R3HDM2: variants seen among roughly 807,000 people sequenced by gnomAD.
R3HDM2 encodes the protein R3H domain containing 2.
Under a neutral mutation model 124.5 loss-of-function variants are expected in R3HDM2, and 38 were observed. That is an observed-to-expected ratio of 0.31 (90% CI 0.24 to 0.40). R3HDM2 has a LOEUF of 0.40. Ranked by LOEUF, R3HDM2 falls within the 10% of genes least tolerant of loss-of-function variation. The pLI is 1.00. For missense variants in R3HDM2, 869 were observed against 1,236.9 expected (o/e 0.70, Z 4.46); for synonymous variants, 391 against 448.0 (o/e 0.87, Z 1.61).
At chr12:57,275,649 A>T (rs998885783) in intron 14 of R3HDM2, among the ~76,000 whole-genome samples, 5 of 152,222 alleles carry the variant, frequency 3.3e-5, no homozygotes, top group African/African-American at 9.6e-5. Flanking sequence ...CCCATCAAAA[A>T]GTGGGCTAAG....
In R3HDM2 at chr12:57,361,617, A is replaced by C. The variant is rs1356216638; in HGVS notation, c.-36+34132T>G. ...GAGAACCACTTGAGCCCAGGAGTTC[A>C]AGGCTGCGGCGGTGTGTCATGACTG... On this transcript the variant is annotated intron_variant, in intron 2 of 23. Transcript: ENST00000402412. 3.3e-5 allele frequency among the ~76,000 whole-genome samples: 5 copies of C among 151,918 alleles called. No individual in the cohort carries two copies. The East Asian group carries it at 9.7e-4, about 29-fold the overall frequency.
intron 2 of R3HDM2, among the ~76,000 whole-genome samples, chr12:57,355,434 G>A (rs904362817): frequency 1.4e-5 from 2 of 147,762 alleles, no homozygotes; most frequent in Non-Finnish European, 3.0e-5. Flanking sequence ...ACTCCAGCCT[G>A]GGCAACAGAG....
intron 13 of R3HDM2, 119 bp from the exon 14 acceptor site, chr12:57,280,649 C>T: frequency 1.1e-6 from 1 of 887,452 alleles, no homozygotes; most frequent in South Asian, 2.0e-5. Flanking sequence ...TCCCTTTTGT[C>T]CCCTCCCCCA....
intron 10 of R3HDM2, among the ~76,000 whole-genome samples, chr12:57,294,303 A>C (rs1010185186): frequency 3.3e-5 from 5 of 152,176 alleles, no homozygotes; most frequent in African/African-American, 1.2e-4. Context: ...ACTTTGCCCC[A>C]ATGTGCCTCT....
intron 2 of R3HDM2, among the ~76,000 whole-genome samples, chr12:57,310,862 T>C (rs1419808226): frequency 6.6e-6 from 1 of 152,188 alleles, no homozygotes. Flanking sequence ...TCTAGAATTT[T>C]ATATAAATGG....
At chr12:57,276,747 C>T (rs920294444) in intron 14 of R3HDM2, among the ~76,000 whole-genome samples, 3 of 151,942 alleles carry the variant, frequency 2.0e-5, no homozygotes, top group South Asian at 2.1e-4. Flanking sequence ...ATTAGCTGGG[C>T]GTGGTGGTGC....
At chr12:57,395,909 G>T in intron 1 of R3HDM2, 91 bp from the exon 2 acceptor site, 2 of 474,160 alleles carry the variant, frequency 4.2e-6, no homozygotes, top group Non-Finnish European at 5.5e-6. Flanking sequence ...AGCAGCACCT[G>T]TTAATATCAT....
Position 57,290,847 on chromosome 12 carries a change from G to A in R3HDM2, c.906+1725C>T, listed in dbSNP as rs1055535701. On this transcript the variant is annotated intron_variant, in intron 11 of 23. Coordinates refer to ENST00000402412, the MANE Select transcript of R3HDM2 (RefSeq NM_001394031.1). ...GGTTGGTCTCGAACTCCCGAGCTCAGGTGATCCACCTGCCTCGGCCTCCCA... is the reference window on the plus strand; with the variant it reads ...GGTTGGTCTCGAACTCCCGAGCTCAAGTGATCCACCTGCCTCGGCCTCCCA... Among the ~76,000 whole-genome samples the A allele has an allele frequency of 3.3e-5, 5 of 152,244 alleles. No homozygotes were observed. The East Asian group carries it at 9.7e-4, about 29-fold the overall frequency.
At chr12:57,356,744 A>G (rs770699514) in intron 2 of R3HDM2, among the ~76,000 whole-genome samples, 39 of 152,230 alleles carry the variant, frequency 2.6e-4, no homozygotes, top group Non-Finnish European at 4.1e-4. Context: ...ACATAAACCT[A>G]TTCAGGTTAT....
At chr12:57,269,231 C>A in intron 16 of R3HDM2, 92 bp downstream of exon 16, 1 of 1,564,558 alleles carries the variant, frequency 6.4e-7, no homozygotes, top group Non-Finnish European at 8.7e-7. Context: ...TGCCCCTAGA[C>A]CCACCTTCAT....
At chr12:57,372,985 G>A (rs757112182) in intron 2 of R3HDM2, among the ~76,000 whole-genome samples, 3 of 152,234 alleles carry the variant, frequency 2.0e-5, no homozygotes, top group African/African-American at 7.2e-5. Context: ...AAAGTGGGAG[G>A]ATCGCTTGAG....
intron 2 of R3HDM2, among the ~76,000 whole-genome samples, chr12:57,314,784 C>A (rs1045392234): frequency 2.0e-5 from 3 of 152,164 alleles, no homozygotes; most frequent in African/African-American, 7.2e-5. Flanking sequence ...CAGTATTTTT[C>A]TCTTTTCCAA....
intron 14 of R3HDM2, among the ~76,000 whole-genome samples, chr12:57,276,208 TA>T (rs1263227424): frequency 0.047 from 4,994 of 105,296 alleles, 124 homozygotes; most frequent in Non-Finnish European, 0.071. Flanking sequence ...AGACTCCATC[TA>T]AAAAAAAAAA....
At chr12:57,343,416 C>T (rs935982318) in intron 2 of R3HDM2, among the ~76,000 whole-genome samples, 4 of 151,662 alleles carry the variant, frequency 2.6e-5, no homozygotes, top group Non-Finnish European at 5.9e-5. Context: ...CTCGAACTCC[C>T]GACCTCAGGT....
rs1393582875 is a variant in R3HDM2 at position 57,255,038 on chromosome 12, T to C, written c.2708A>G (p.Gln903Arg). 3.7e-6 allele frequency: 6 copies of C among 1,613,442 alleles called. No homozygotes were observed. Among genetic ancestry groups the C allele is most frequent in the Non-Finnish European group, 4.2e-6 (5 of 1,179,930 alleles). Reference sequence around the variant, plus strand: ...GATCTTGGCGCCAGACATGGCGAGCTGCGTGAAGAGTTTGTCCGCCTCAGT... The same window carrying C: ...GATCTTGGCGCCAGACATGGCGAGCCGCGTGAAGAGTTTGTCCGCCTCAGT... ...TRTEADKLFTQLAMSGAKIQW... is the reference protein window; with the variant it reads ...TRTEADKLFTRLAMSGAKIQW... The change falls in exon 24 of 24, where the codon CAG (glutamine) becomes CGG (arginine). Residue 903 changes from glutamine (Q) to arginine (R), a missense_variant. Gln to Arg is a conservative substitution (Grantham distance 43). Around this residue, in one of 2 missense-constraint regions of R3HDM2, gnomAD observed 602 missense variants for 789.2 expected, o/e 0.76. Coordinates refer to ENST00000402412, the MANE Select transcript of R3HDM2 (RefSeq NM_001394031.1).
intron 14 of R3HDM2, among the ~76,000 whole-genome samples, chr12:57,276,255 T>C (rs2044714028): frequency 6.6e-6 from 1 of 150,654 alleles, no homozygotes; most frequent in African/African-American, 2.4e-5. Flanking sequence ...ACCATTTGAT[T>C]CAGGAATCCC....
Position 57,259,066 on chromosome 12 carries a change from G to A in R3HDM2, c.2132-7C>T. The A allele has an allele frequency of 6.2e-7, 1 of 1,604,884 alleles. No homozygotes were observed. The highest frequency in any genetic ancestry group is 1.3e-5 in the African/African-American group (1 of 74,408). On this transcript the variant is annotated splice_region_variant and splice_polypyrimidine_tract_variant and intron_variant, in intron 19 of 23. Transcript: ENST00000402412. ...GGTCCAGAAGGTGACACTCCTGAAG[G>A]GCAGGAAGAAAGCAGTTGGTTACAA...
chr12:57,271,645 G>A (rs2043612430), intron 14 of R3HDM2, among the ~76,000 whole-genome samples: 1 of 152,198 alleles, frequency 6.6e-6, no homozygotes, highest in Non-Finnish European at 1.5e-5. Context: ...ATAAGAGGTA[G>A]GAGGAGGGAG....
At chr12:57,325,532 GGACT>G (rs2057184020) in intron 2 of R3HDM2, among the ~76,000 whole-genome samples, 1 of 151,966 alleles carries the variant, frequency 6.6e-6, no homozygotes. Flanking sequence ...GACCAGTCCT[GGACT>G]GACTACCTCT....
Sources: allele counts gnomAD v4.1 joint callset (sites outside exome capture counted in the v4.1 genomes callset), GRCh38; gene constraint gnomAD v4.1.1; regional missense constraint gnomAD v4.1.1; transcripts MANE v1.5; gene names NCBI Gene and HGNC (gene_info 2026-07-23, HGNC 2026-07-21).